VPS41: variants seen among roughly 807,000 people sequenced by gnomAD.
The protein encoded by VPS41 is VPS41 subunit of HOPS complex.
A neutral mutation model predicts 130.9 loss-of-function variants in VPS41; 85 were observed. The observed-to-expected ratio is 0.65, with a 90% CI of 0.55 to 0.78. The LOEUF is 0.78. VPS41 is among the 30% of genes least tolerant of loss of function. The probability of loss-of-function intolerance (pLI) is 0.00; values close to 1 mark genes in which losing one functional copy is unlikely to be tolerated. For missense variants in VPS41, 874 were observed against 1,018.7 expected (o/e 0.86, Z 1.93); for synonymous variants, 335 against 332.9 (o/e 1.01, Z -0.07).
At chr7:38,807,390 AAAAC>A (rs1453486249) in intron 7 of VPS41, among the ~76,000 whole-genome samples, 8 of 152,232 alleles carry the variant, frequency 5.3e-5, no homozygotes, top group Non-Finnish European at 7.3e-5. Flanking sequence ...AATTAAAAGG[AAAAC>A]AAACAAACCA....
At chr7:38,898,245 T>C in intron 1 of VPS41, 116 bp from the exon 2 acceptor site, 1 of 796,664 alleles carries the variant, frequency 1.3e-6, no homozygotes, top group Non-Finnish European at 2.1e-6. Flanking sequence ...TGGAAGAGAA[T>C]CTACAACTAT....
At chr7:38,767,703 C>T (rs2115817279) in intron 14 of VPS41, 105 bp from the exon 15 acceptor site, 3 of 674,886 alleles carry the variant, frequency 4.4e-6, no homozygotes, top group Non-Finnish European at 5.1e-6. Context: ...ATTAGCTCTA[C>T]TGACTATAAC....
intron 2 of VPS41, among the ~76,000 whole-genome samples, chr7:38,883,129 G>C (rs1177945465): frequency 6.6e-6 from 1 of 152,206 alleles, no homozygotes; most frequent in Non-Finnish European, 1.5e-5. Context: ...TGTACTCCTA[G>C]CTATTCGAGA....
chr7:38,826,390 G>A (rs1468713490), intron 5 of VPS41, among the ~76,000 whole-genome samples: 1 of 152,150 alleles, frequency 6.6e-6, no homozygotes, highest in Non-Finnish European at 1.5e-5. Context: ...GATTCAAAGG[G>A]AGAAAAACCA....
intron 4 of VPS41, among the ~76,000 whole-genome samples, chr7:38,835,348 TATA>T (rs1431984589): frequency 6.6e-6 from 1 of 152,030 alleles, no homozygotes; most frequent in Non-Finnish European, 1.5e-5. Context: ...GCCTAATAAT[TATA>T]ATGACTCATT....
intron 2 of VPS41, among the ~76,000 whole-genome samples, chr7:38,896,685 A>G (rs6966738): frequency 0.26 from 39,167 of 152,192 alleles, 6,449 homozygotes; most frequent in Non-Finnish European, 0.38. Flanking sequence ...AGAAATATGC[A>G]TAAGTCCAAC....
chr7:38,817,844 G>A lies in VPS41; in HGVS notation c.423C>T (p.Cys141=), dbSNP rs750591531. 2.5e-6 allele frequency: 4 copies of A among 1,613,982 alleles called. No individual in the cohort carries two copies. Among genetic ancestry groups the A allele is most frequent in the Non-Finnish European group, 1.7e-6 (2 of 1,180,000 alleles). ...AVHPHFVRSS[C]KQFVTGGKKL... is the part of the protein sequence containing the mutation. ...TCTTCCCTCCGGTCACAAACTGCTT[G>A]CAACTGGATCTCACGAAATGTGGGT... The change falls in exon 7 of 29, where the codon TGC becomes TGT. Residue 141 remains cysteine (C), a synonymous_variant. Coordinates refer to ENST00000310301, the MANE Select transcript of VPS41 (RefSeq NM_014396.4).
At chr7:38,828,708 T>G (rs1262083378) in intron 5 of VPS41, among the ~76,000 whole-genome samples, 1 of 152,166 alleles carries the variant, frequency 6.6e-6, no homozygotes, top group Admixed American at 6.5e-5. Context: ...TACGGGAAGA[T>G]TATTTCCAAA....
intron 25 of VPS41, among the ~76,000 whole-genome samples, chr7:38,739,214 T>G (rs1013245785): frequency 6.6e-6 from 1 of 152,218 alleles, no homozygotes; most frequent in African/African-American, 2.4e-5. Flanking sequence ...TGAATGGTTC[T>G]TGATAGCCCC....
At chr7:38,817,604 C>A (rs983888469) in intron 7 of VPS41, among the ~76,000 whole-genome samples, 2 of 152,158 alleles carry the variant, frequency 1.3e-5, no homozygotes, top group African/African-American at 4.8e-5. Context: ...GGCGACAGAG[C>A]AAGACTCCGT....
intron 25 of VPS41, chr7:38,741,283 C>T (rs6951429): frequency 0.89 from 284,500 of 319,914 alleles, 126,719 homozygotes; most frequent in East Asian, 0.99. Context: ...AACAACAGTC[C>T]GAATTTTTAA....
chr7:38,850,397 T>C (rs867871316), intron 4 of VPS41, among the ~76,000 whole-genome samples: 1 of 152,364 alleles, frequency 6.6e-6, no homozygotes, highest in South Asian at 2.1e-4. Context: ...GTTTTCCTTA[T>C]GGATCTGTAA....
intron 2 of VPS41, among the ~76,000 whole-genome samples, chr7:38,892,737 T>G (rs1786893751): frequency 6.6e-6 from 1 of 152,184 alleles, no homozygotes; most frequent in African/African-American, 2.4e-5. Flanking sequence ...AATCTAAACA[T>G]AAAGACATCA....
In VPS41 at chr7:38,862,483, T is replaced by G. The variant is rs908363562; in HGVS notation, c.246+62A>C. 4.7e-6 allele frequency: 5 copies of G among 1,075,098 alleles called. No individual in the cohort carries two copies. In the African/African-American group the frequency reaches 8.0e-5, roughly 17 times the overall value. 66.6% of individuals were successfully genotyped at this position (1,075,098 alleles called of 1,614,324 possible). ...TTAAAACAAACTGGTAAACCAATAT[T>G]CTAAAACACAAATACTTAACATGAA... On this transcript the variant is annotated intron_variant, in intron 4 of 28. Transcript: ENST00000310301.
intron 1 of VPS41, among the ~76,000 whole-genome samples, chr7:38,903,723 T>C (rs1300163385): frequency 6.6e-6 from 1 of 152,186 alleles, no homozygotes; most frequent in Admixed American, 6.5e-5. Context: ...GTGTGGTATG[T>C]ATGTGATATC....
At chr7:38,889,097 A>G (rs1184159625) in intron 2 of VPS41, among the ~76,000 whole-genome samples, 2 of 73,904 alleles carry the variant, frequency 2.7e-5, no homozygotes, top group Non-Finnish European at 5.4e-5. Flanking sequence ...CCAGAACTTA[A>G]AGTATAATTT....
intron 3 of VPS41, among the ~76,000 whole-genome samples, chr7:38,866,053 A>G (rs1786222121): frequency 6.6e-6 from 1 of 152,328 alleles, no homozygotes; most frequent in African/African-American, 2.4e-5. Context: ...AGTTCCCAGG[A>G]AAAATAAAGA....
chr7:38,837,621 GA>G (rs967941464), intron 4 of VPS41, among the ~76,000 whole-genome samples: 1 of 152,178 alleles, frequency 6.6e-6, no homozygotes, highest in East Asian at 1.9e-4. Context: ...GTGGTTTTGG[GA>G]ATCCCCACAA....
chr7:38,823,418 T>C (rs1785213866), intron 5 of VPS41, among the ~76,000 whole-genome samples: 1 of 152,208 alleles, frequency 6.6e-6, no homozygotes, highest in Non-Finnish European at 1.5e-5. Context: ...TAAATTTCTG[T>C]TATTTATAAA....
Sources: allele counts gnomAD v4.1 joint callset (sites outside exome capture counted in the v4.1 genomes callset), GRCh38; gene constraint gnomAD v4.1.1; transcripts MANE v1.5; gene names NCBI Gene and HGNC (gene_info 2026-07-23, HGNC 2026-07-21).